Variants in PPFIA3 observed in about 807,000 individuals in gnomAD.
The protein encoded by PPFIA3 is PPFI scaffold protein A3.
PPFIA3 carries 26 observed loss-of-function variants against 145.8 expected under a neutral mutation model. The observed-to-expected ratio is 0.18, with a 90% CI of 0.13 to 0.25. PPFIA3 has a LOEUF of 0.25. Among genes scored for constraint, PPFIA3 ranks in the 10% least tolerant of loss-of-function variants. The probability of loss-of-function intolerance (pLI) is 1.00; values close to 1 mark genes in which losing one functional copy is unlikely to be tolerated. For missense variants in PPFIA3, 1,008 were observed against 1,587.8 expected (o/e 0.63, Z 6.21); for synonymous variants, 645 against 661.4 (o/e 0.98, Z 0.38).
chr19:49,150,097 TC>T lies in PPFIA3; in HGVS notation c.3547del (p.Arg1183GlyfsTer78). On this transcript the variant is annotated frameshift_variant, in exon 29 of 30. Transcript: ENST00000334186. LOFTEE classifies it high-confidence loss of function. ...CCCTCCAGGCCAGACTTCTGGGAGT[TC>T]CCGGGCAGACGGCGTTTCGGTCCGG... Reference protein sequence around the residue: ...LQPEGQTSGSSRADGVSVRTY... With the variant: ...LQPEGQTSGSXRADGVSVRTY... The T allele has an allele frequency of 1.2e-6, 2 of 1,610,674 alleles. No homozygotes were observed. The highest frequency in any genetic ancestry group is 1.7e-6 in the Non-Finnish European group (2 of 1,178,838).
At position 49,128,919 on chromosome 19, in the gene PPFIA3, C is replaced by T; in HGVS notation, c.414C>T (p.Arg138=). Residue 138 remains arginine (R), a synonymous_variant, in exon 4 of 30, where the codon CGC becomes CGT. Transcript: ENST00000334186. The surrounding 1 kb of genome is among the most constrained non-coding windows in gnomAD (Gnocchi z 4.1). Reference sequence around the variant, plus strand: ...CACTGCGCATGACCGTGGTGAAGCGCCAGGCCCAGTCCCCGGGTGGGGTCT... The same window carrying T: ...CACTGCGCATGACCGTGGTGAAGCGTCAGGCCCAGTCCCCGGGTGGGGTCT... ...ERSLRMTVVK[R]QAQSPGGVSS... is the part of the protein sequence containing the mutation. The T allele has an allele frequency of 1.9e-6, 3 of 1,614,018 alleles. No homozygotes were observed. The highest frequency in any genetic ancestry group is 2.5e-6 in the Non-Finnish European group (3 of 1,179,956).
intron 7 of PPFIA3, among the ~76,000 whole-genome samples, chr19:49,131,165 C>CT (rs74182040): frequency 0.039 from 3,946 of 102,088 alleles, 328 homozygotes; most frequent in East Asian, 0.14. Flanking sequence ...CACCCAGCCT[C>CT]TTTTTTTTTT....
chr19:49,139,489 C>CA (rs370199974), intron 16 of PPFIA3, among the ~76,000 whole-genome samples, 179 bp from the exon 17 acceptor site: 3,699 of 63,994 alleles, frequency 0.058, 104 homozygotes, highest in African/African-American at 0.12. Context: ...AACTCCATCT[C>CA]AAAAAAAAAA....
chr19:49,148,541 T>A, intron 24 of PPFIA3, 125 bp from the exon 25 acceptor site: 1 of 816,134 alleles, frequency 1.2e-6, no homozygotes, highest in East Asian at 2.7e-5. Context: ...GGGTCAACAG[T>A]CAATAGAACT....
At chr19:49,138,514 C>T in intron 16 of PPFIA3, 87 bp downstream of exon 16, 1 of 1,169,814 alleles carries the variant, frequency 8.5e-7, no homozygotes. Flanking sequence ...ACAATAACCC[C>T]TCACACCAGT....
Position 49,120,058 on chromosome 19 carries a change from CTCCCCAGACGCGTCCGCATCG to C in PPFIA3, c.-16+342_-16+362del, listed in dbSNP as rs2040916316. Among the ~76,000 whole-genome samples, 1 of 152,028 alleles carries C rather than the reference CTCCCCAGACGCGTCCGCATCG, an allele frequency of 6.6e-6. No individual in the cohort carries two copies. Among genetic ancestry groups the C allele is most frequent in the South Asian group, 2.1e-4 (1 of 4,834 alleles). On this transcript the variant is annotated intron_variant, in intron 1 of 29. Coordinates refer to ENST00000334186, the MANE Select transcript of PPFIA3 (RefSeq NM_003660.4). The surrounding 1 kb of genome is among the most constrained non-coding windows in gnomAD (Gnocchi z 4.6). ...AGACACCCGCCGCGGCGGTGCCAGA[CTCCCCAGACGCGTCCGCATCG>C]TCCCCGCTTCGCGCACTCCGTCTCC...
intron 23 of PPFIA3, among the ~76,000 whole-genome samples, chr19:49,146,673 T>G (rs1241859812): frequency 6.6e-6 from 1 of 152,166 alleles, no homozygotes; most frequent in African/African-American, 2.4e-5. Context: ...CTCACGCCTG[T>G]AATTCCAGCA....
chr19:49,149,333 C>A lies in PPFIA3; in HGVS notation c.3354+8C>A. ...GACAGGCGGCTGGACGAGGTGGGCG[C>A]GGCAACAGCTCAGAGGGCTCTGCTC... On this transcript the variant is annotated splice_region_variant and intron_variant, in intron 27 of 29. Coordinates refer to ENST00000334186, the MANE Select transcript of PPFIA3 (RefSeq NM_003660.4). The surrounding 1 kb of genome is among the most constrained non-coding windows in gnomAD (Gnocchi z 5.7). 6.2e-7 allele frequency: 1 copy of A among 1,613,820 alleles called. No homozygotes were observed. Among genetic ancestry groups the A allele is most frequent in the Non-Finnish European group, 8.5e-7 (1 of 1,179,986 alleles).
At chr19:49,125,075 AAAAT>A (rs1393307730) in intron 1 of PPFIA3, among the ~76,000 whole-genome samples, 1 of 152,210 alleles carries the variant, frequency 6.6e-6, no homozygotes, top group Non-Finnish European at 1.5e-5. Context: ...TCAAAAAAAA[AAAAT>A]AGAGATCATG....
chr19:49,134,984 C>T (rs2041120482), intron 13 of PPFIA3, 69 bp downstream of exon 13: 4 of 1,315,484 alleles, frequency 3.0e-6, no homozygotes, highest in Middle Eastern at 2.3e-4. Context: ...CTCCTCCCTT[C>T]TGATCCCCAC....
intron 24 of PPFIA3, 30 bp downstream of exon 24, chr19:49,148,288 C>A (rs1361649590): frequency 1.9e-6 from 3 of 1,597,248 alleles, no homozygotes. Context: ...TGGGGACAGT[C>A]CAAAGGGAAG....
chr19:49,134,537 C>T (rs2041114215), intron 11 of PPFIA3, 102 bp from the exon 12 acceptor site: 1 of 1,081,436 alleles, frequency 9.2e-7, no homozygotes, highest in African/African-American at 1.6e-5. Flanking sequence ...CTCATTCCTC[C>T]TGGGTCCCCT....
In PPFIA3 at chr19:49,130,631, G is replaced by A. The variant is rs1409235066; in HGVS notation, c.879+32G>A. On this transcript the variant is annotated intron_variant, in intron 7 of 29. Coordinates refer to ENST00000334186, the MANE Select transcript of PPFIA3 (RefSeq NM_003660.4). This position sits in a 1 kb window ranked among gnomAD's most constrained non-coding sequence, Gnocchi z 4.5. ...CCCCCAGGGAGGCGGGCTGCCCTGG[G>A]TCCCTCGCCTTTCCGTAGAGCTCTC... 3 of 1,531,226 alleles carry A rather than the reference G, an allele frequency of 2.0e-6. No individual in the cohort carries two copies. The highest frequency in any genetic ancestry group is 2.6e-6 in the Non-Finnish European group (3 of 1,134,524). 94.9% of individuals were successfully genotyped at this position (1,531,226 alleles called of 1,614,324 possible).
intron 5 of PPFIA3, 120 bp downstream of exon 5, chr19:49,129,574 A>C: frequency 9.2e-7 from 1 of 1,082,666 alleles, no homozygotes; most frequent in Non-Finnish European, 1.3e-6. Flanking sequence ...ACTAGGGCAG[A>C]CAAGCTATGG....
At chr19:49,122,691 T>TTTG (rs370480751) in intron 1 of PPFIA3, among the ~76,000 whole-genome samples, 12 of 151,922 alleles carry the variant, frequency 7.9e-5, no homozygotes, top group East Asian at 1.9e-4. Flanking sequence ...CACATTCTTT[T>TTTG]TTGTTGTTGT....
rs545109410 is a variant in PPFIA3, at chr19:49,149,466, C to T, written c.3355-81C>T. On this transcript the variant is annotated intron_variant, in intron 27 of 29. Transcript: ENST00000334186. The surrounding 1 kb of genome is among the most constrained non-coding windows in gnomAD (Gnocchi z 5.7). ...GCGGGGTTAAAGGAGAGGTGAGACC[C>T]GGAGAGGGGTGGAGTCAAAGGAAGG... 1.4e-4 allele frequency: 224 copies of T among 1,590,470 alleles called. 1 individual carries two copies. The South Asian group carries it at 2.4e-3, about 17-fold the overall frequency.
intron 1 of PPFIA3, chr19:49,125,216 C>G (rs1386332297): frequency 5.2e-5 from 8 of 152,412 alleles, no homozygotes; most frequent in Admixed American, 3.9e-4. Context: ...GGACAGGAAC[C>G]CAGCTGCCTC....
chr19:49,120,287 C>T lies in PPFIA3; in HGVS notation c.-16+565C>T, dbSNP rs2040920879. Among the ~76,000 whole-genome samples the T allele has an allele frequency of 6.6e-6, 1 of 152,028 alleles. No individual in the cohort carries two copies. The highest frequency in any genetic ancestry group is 1.5e-5 in the Non-Finnish European group (1 of 67,958). ...CGCAGGCGGCGCGGGGATCCCCCCG[C>T]CGCGCCTTTGACCCGGGAATACCCG... On this transcript the variant is annotated intron_variant, in intron 1 of 29. Coordinates refer to ENST00000334186, the MANE Select transcript of PPFIA3 (RefSeq NM_003660.4). The surrounding 1 kb of genome is among the most constrained non-coding windows in gnomAD (Gnocchi z 4.6).
In PPFIA3 at chr19:49,141,540, G is replaced by T. The variant is rs536979794; in HGVS notation, c.2462+27G>T. On this transcript the variant is annotated intron_variant, in intron 19 of 29. Transcript: ENST00000334186. ...TGAGTGTGTGTGAGTGTGAGCGTGT[G>T]TGTGTGTATGTGAATGTGAGAGTGT... 236 of 1,574,778 alleles carry T rather than the reference G, an allele frequency of 1.5e-4. 2 individuals carry two copies. The South Asian group carries it at 2.3e-3, about 16-fold the overall frequency.
Sources: gnomAD v4.1 joint callset for allele counts (sites outside exome capture counted in the v4.1 genomes callset) on GRCh38, gnomAD v4.1.1 for gene constraint, Gnocchi (gnomAD v3.1) non-coding constraint, MANE v1.5 for transcripts, NCBI Gene and HGNC (gene_info 2026-07-23, HGNC 2026-07-21) for gene names.